GNPTG: variants seen among roughly 807,000 people sequenced by gnomAD.
GNPTG encodes the protein N-acetylglucosamine-1-phosphate transferase subunit gamma.
In GNPTG, 46 loss-of-function variants were observed where a neutral mutation model predicts 43.8. That is an observed-to-expected ratio of 1.05 (90% CI 0.83 to 1.34). The LOEUF is 1.34. Ranked by LOEUF, GNPTG falls within the 40% of genes most tolerant of loss-of-function variation. The pLI, the probability that GNPTG is intolerant of heterozygous loss-of-function variation, is 0.00. For synonymous variants in GNPTG, 250 were observed against 172.8 expected (o/e 1.45, Z -3.50); for missense variants, 549 against 411.3 (o/e 1.33, Z -2.90).
chr16:1,356,756 C>T (rs762237634), intron 3 of GNPTG, among the ~76,000 whole-genome samples: 25 of 152,346 alleles, frequency 1.6e-4, no homozygotes, highest in African/African-American at 2.4e-4. Flanking sequence ...CCGGCGCCCA[C>T]GCCCCTCCTG....
chr16:1,357,993 GCCCGTGGCTGAC>G (rs1567181917), intron 3 of GNPTG: 5 of 152,174 alleles, frequency 3.3e-5, no homozygotes, highest in Non-Finnish European at 5.9e-5. Context: ...CTGGAGGATG[GCCCGTGGCTGAC>G]AGTCTCGGTG....
chr16:1,363,058 G>A lies in GNPTG; in HGVS notation c.885G>A (p.Leu295=). 6.2e-7 allele frequency: 1 copy of A among 1,614,024 alleles called. No homozygotes were observed. Among genetic ancestry groups the A allele is most frequent in the Non-Finnish European group, 8.5e-7 (1 of 1,180,020 alleles). The part of the protein sequence containing the change: ...ETPRAKSPEQ[L]RGDPGLRGSL ...CCAGAGCCAAGTCTCCAGAGCAGCT[G>A]CGGGGTGACCCAGGACTGCGTGGGA... The change falls in exon 11 of 11, where the codon CTG becomes CTA. Residue 295 remains leucine, a synonymous_variant. Transcript: ENST00000204679.
Position 1,362,921 on chromosome 16 carries a change from G to C in GNPTG, c.823+15G>C. The C allele has an allele frequency of 2.5e-6, 4 of 1,614,026 alleles. No individual in the cohort carries two copies. The highest frequency in any genetic ancestry group is 3.4e-6 in the Non-Finnish European group (4 of 1,179,908). On this transcript the variant is annotated intron_variant, in intron 10 of 10. Coordinates refer to ENST00000204679, the MANE Select transcript of GNPTG (RefSeq NM_032520.5). Reference sequence around the variant, plus strand: ...GAGGCCCACAGGTGAGTCACCTGTGGGGAGAGGGCCAGGCTCACCATCACA... The same window carrying C: ...GAGGCCCACAGGTGAGTCACCTGTGCGGAGAGGGCCAGGCTCACCATCACA...
At position 1,363,200 on chromosome 16, in the gene GNPTG, A is replaced by AAAAC; in HGVS notation, c.*113_*116dup. 1 of 899,306 alleles carries AAAAC rather than the reference A, an allele frequency of 1.1e-6. No homozygotes were observed. Among genetic ancestry groups the AAAAC allele is most frequent in the Non-Finnish European group, 1.8e-6 (1 of 560,972 alleles). 55.7% of individuals were successfully genotyped at this position (899,306 alleles called of 1,614,324 possible). A position where few individuals can be genotyped will look rare whatever the true frequency, so the allele number is the denominator to read the frequency against. On this transcript the variant is annotated 3_prime_UTR_variant, in exon 11 of 11. Transcript: ENST00000204679. Reference sequence around the variant, plus strand: ...CAGGCTTGTGCTCAGAGAAGCAGACAAAACAAAGATTCAAGGTTTTAATTA... The same window carrying AAAAC: ...CAGGCTTGTGCTCAGAGAAGCAGACAAAACAAACAAAGATTCAAGGTTTTAATTA...
intron 3 of GNPTG, 76 bp downstream of exon 3, chr16:1,352,382 C>G (rs2034700826): frequency 1.4e-6 from 2 of 1,391,442 alleles, no homozygotes; most frequent in African/African-American, 2.9e-5. Context: ...ATGAGTGACC[C>G]TGAGAGTTAC....
rs773760091 is a variant in GNPTG, at chr16:1,362,912, T to A, written c.823+6T>A. 7 of 1,613,890 alleles carry A rather than the reference T, an allele frequency of 4.3e-6. No individual in the cohort carries two copies. In the South Asian group the frequency reaches 6.6e-5, roughly 15 times the overall value. ...CCCCTACACGAGGCCCACAGGTGAG[T>A]CACCTGTGGGGAGAGGGCCAGGCTC... On this transcript the variant is annotated splice_donor_region_variant and intron_variant, in intron 10 of 10. Coordinates refer to ENST00000204679, the MANE Select transcript of GNPTG (RefSeq NM_032520.5).
rs554446836 is a variant in GNPTG at position 1,360,077 on chromosome 16, C to G, written c.179-1666C>G. Reference sequence around the variant, plus strand: ...GAGCCAAGATCGTGCCACTGCAATCCAGCCTGGCGACAATGCTAGACTCCG... The same window carrying G: ...GAGCCAAGATCGTGCCACTGCAATCGAGCCTGGCGACAATGCTAGACTCCG... On this transcript the variant is annotated intron_variant, in intron 3 of 10. Coordinates refer to ENST00000204679, the MANE Select transcript of GNPTG (RefSeq NM_032520.5). Among the ~76,000 whole-genome samples, 9 of 151,838 alleles carry G rather than the reference C, an allele frequency of 5.9e-5. No individual in the cohort carries two copies. The South Asian group carries it at 1.5e-3, about 25-fold the overall frequency.
chr16:1,361,476 C>T, intron 3 of GNPTG: 1 of 423,544 alleles, frequency 2.4e-6, no homozygotes, highest in Non-Finnish European at 4.4e-6. Context: ...AACCCCGTCT[C>T]TACTAAAAAT....
intron 3 of GNPTG, among the ~76,000 whole-genome samples, chr16:1,354,568 A>G (rs2034738286): frequency 8.1e-6 from 1 of 123,072 alleles, no homozygotes; most frequent in South Asian, 2.9e-4. Context: ...CCTGGGTGAC[A>G]GAGCAAGACT....
At chr16:1,352,549 T>C in intron 3 of GNPTG, 1 of 551,082 alleles carries the variant, frequency 1.8e-6, no homozygotes, top group East Asian at 3.1e-5. Context: ...GTCTGGTGAC[T>C]TTGCAGACGC....
In GNPTG at chr16:1,362,538, A is replaced by C. The variant is rs1176904800; in HGVS notation, c.609+4A>C. ...CGATGAGCTGATCACCCCCCAGGTAAGCGTGCGCTCGGGGTGGCCCCTGGT... is the reference window on the plus strand; with the variant it reads ...CGATGAGCTGATCACCCCCCAGGTACGCGTGCGCTCGGGGTGGCCCCTGGT... On this transcript the variant is annotated splice_donor_region_variant and intron_variant, in intron 8 of 10. Coordinates refer to ENST00000204679, the MANE Select transcript of GNPTG (RefSeq NM_032520.5). The C allele has an allele frequency of 6.2e-7, 1 of 1,614,176 alleles. No individual in the cohort carries two copies. Among genetic ancestry groups the C allele is most frequent in the South Asian group, 1.1e-5 (1 of 91,088 alleles).
intron 3 of GNPTG, among the ~76,000 whole-genome samples, chr16:1,360,172 C>A (rs1302378816): frequency 6.6e-6 from 1 of 151,828 alleles, no homozygotes; most frequent in African/African-American, 2.4e-5. Context: ...ACTGTTTGTG[C>A]GTGGATAATT....
intron 3 of GNPTG, 139 bp downstream of exon 3, chr16:1,352,445 T>C (rs1427623959): frequency 1.2e-6 from 1 of 840,148 alleles, no homozygotes; most frequent in Non-Finnish European, 2.0e-6. Flanking sequence ...AATGTGGAAG[T>C]ACGAGAGAAT....
intron 3 of GNPTG, among the ~76,000 whole-genome samples, chr16:1,357,472 T>G (rs2034798100): frequency 6.7e-6 from 1 of 150,320 alleles, no homozygotes; most frequent in Admixed American, 6.6e-5. Context: ...GCACCTCGTG[T>G]GTATTTCGAC....
chr16:1,352,537 TAGTC>T (rs532593271), intron 3 of GNPTG: 37 of 576,068 alleles, frequency 6.4e-5, no homozygotes, highest in Non-Finnish European at 1.0e-4. Context: ...CTGCTGTTAA[TAGTC>T]TGGTGACTTT....
chr16:1,353,534 A>AT (rs2034721419), intron 3 of GNPTG, among the ~76,000 whole-genome samples: 1 of 151,856 alleles, frequency 6.6e-6, no homozygotes, highest in Admixed American at 6.6e-5. Flanking sequence ...CGCTTTTTTT[A>AT]TTTTTTAGAG....
chr16:1,362,306 C>G lies in GNPTG; in HGVS notation c.512C>G (p.Pro171Arg). The change falls in exon 7 of 11, where the codon CCC becomes CGC. Residue 171 changes from proline (P) to arginine (R), a missense_variant. Physicochemically the swap from Pro to Arg is moderately radical, Grantham distance 103 (BLOSUM62 -2). Coordinates refer to ENST00000204679, the MANE Select transcript of GNPTG (RefSeq NM_032520.5). ...TTCGAGACCCCCCTCGTCTGCCACC[C>G]CCACGCCTTGCTAGGTAGGGGTGCG... ...LTFETPLVCH[P>R]HALLVYPTLP... is the part of the protein sequence containing the mutation. 1 of 1,613,174 alleles carries G rather than the reference C, an allele frequency of 6.2e-7. No homozygotes were observed. Among genetic ancestry groups the G allele is most frequent in the South Asian group, 1.1e-5 (1 of 91,078 alleles).
In GNPTG at chr16:1,363,330, A is replaced by G. The variant is rs2034982899; in HGVS notation, c.*239A>G. 1.9e-6 allele frequency: 1 copy of G among 523,786 alleles called. No homozygotes were observed. The highest frequency in any genetic ancestry group is 3.4e-6 in the Non-Finnish European group (1 of 289,934). The allele number at this position is 523,786 out of a possible 1,614,324, so 32.4% of individuals were successfully genotyped here. A position where few individuals can be genotyped will look rare whatever the true frequency, so the allele number is the denominator to read the frequency against. On this transcript the variant is annotated 3_prime_UTR_variant, in exon 11 of 11. Coordinates refer to ENST00000204679, the MANE Select transcript of GNPTG (RefSeq NM_032520.5). ...GTGTTAACTTTAAACAGTTCGCTAC[A>G]AGTAAATGATTATAAATACTACCTT...
Position 1,362,304 on chromosome 16 carries a change from C to A in GNPTG, c.510C>A (p.His170Gln). The change falls in exon 7 of 11, where the codon CAC (histidine) becomes CAA (glutamine). Residue 170 changes from histidine (H) to glutamine (Q), a missense_variant. His to Gln is a conservative substitution (Grantham distance 24). Transcript: ENST00000204679. The part of the protein sequence containing the change: ...ALTFETPLVC[H>Q]PHALLVYPTL... Reference sequence around the variant, plus strand: ...CGTTCGAGACCCCCCTCGTCTGCCACCCCCACGCCTTGCTAGGTAGGGGTG... The same window carrying A: ...CGTTCGAGACCCCCCTCGTCTGCCAACCCCACGCCTTGCTAGGTAGGGGTG... 1.2e-6 allele frequency: 2 copies of A among 1,613,088 alleles called. No homozygotes were observed. Among genetic ancestry groups the A allele is most frequent in the Non-Finnish European group, 1.7e-6 (2 of 1,179,902 alleles).
Sources: allele counts gnomAD v4.1 joint callset (sites outside exome capture counted in the v4.1 genomes callset), GRCh38; gene constraint gnomAD v4.1.1; transcripts MANE v1.5; gene names NCBI Gene and HGNC (gene_info 2026-07-23, HGNC 2026-07-21).